The following PCDHGA9 variants were observed in gnomAD, a reference collection of about 807,000 sequenced individuals.
PCDHGA9 encodes protocadherin gamma-A9.
Under a neutral mutation model 62.5 loss-of-function variants are expected in PCDHGA9, and 37 were observed. The observed-to-expected ratio is 0.59, with a 90% CI of 0.46 to 0.78. The LOEUF (loss-of-function observed/expected upper bound fraction) is 0.78, where lower values mean the gene tolerates loss of function less well. PCDHGA9 is among the 30% of genes least tolerant of loss of function. The pLI is 0.00. For synonymous variants in PCDHGA9, 459 were observed against 484.6 expected (o/e 0.95, Z 0.69); for missense variants, 1,138 against 1,166.2 (o/e 0.98, Z 0.35).
chr5:141,409,459 T>A lies in PCDHGA9; in HGVS notation c.2424+4083T>A, dbSNP rs139792503. 3.7e-6 allele frequency: 6 copies of A among 1,613,832 alleles called. 1 individual carries two copies. The highest frequency in any genetic ancestry group is 3.3e-4 in the Middle Eastern group (2 of 6,084). ...ACCGAGAGCAGACACCAGAATACAATGTCACCATCGTAGCCACTGACAGGG... is the reference window on the plus strand; with the variant it reads ...ACCGAGAGCAGACACCAGAATACAAAGTCACCATCGTAGCCACTGACAGGG... On this transcript the variant is annotated intron_variant, in intron 1 of 3. Transcript: ENST00000573521.
At chr5:141,469,511 G>T (rs2099203340) in intron 1 of PCDHGA9, among the ~76,000 whole-genome samples, 2 of 152,038 alleles carry the variant, frequency 1.3e-5, no homozygotes, top group South Asian at 2.1e-4. Flanking sequence ...GGAGGTGGAG[G>T]TTGCAGTGAG....
chr5:141,506,444 CAAAAAA>C (rs1219684339), intron 3 of PCDHGA9, among the ~76,000 whole-genome samples: 1 of 95,026 alleles, frequency 1.1e-5, no homozygotes, highest in African/African-American at 4.0e-5. Flanking sequence ...CGCTCTGTCT[CAAAAAA>C]AAAAAAAAAA....
chr5:141,465,048 A>AT (rs905091014), intron 1 of PCDHGA9, among the ~76,000 whole-genome samples: 18 of 151,226 alleles, frequency 1.2e-4, no homozygotes, highest in African/African-American at 4.4e-4. Context: ...GACCCTATAT[A>AT]TTTTTTTGAA....
intron 1 of PCDHGA9, chr5:141,424,442 T>C (rs2096821583): frequency 6.6e-6 from 1 of 152,244 alleles, no homozygotes; most frequent in South Asian, 2.1e-4. Context: ...AATTGAATTA[T>C]TGAACTGGTA....
At chr5:141,497,209 TG>T (rs11343387) in intron 2 of PCDHGA9, among the ~76,000 whole-genome samples, 90,704 of 151,262 alleles carry the variant, frequency 0.6, 29,397 homozygotes, top group African/African-American at 0.86. Context: ...GTGAGTGTAA[TG>T]GGGGGGGGAA....
At position 141,403,202 on chromosome 5, in the gene PCDHGA9, T is replaced by A; in HGVS notation, c.250T>A (p.Leu84Met). 4 of 1,613,984 alleles carry A rather than the reference T, an allele frequency of 2.5e-6. No homozygotes were observed. Among genetic ancestry groups the A allele is most frequent in the Non-Finnish European group, 3.4e-6 (4 of 1,179,922 alleles). The part of the protein sequence containing the change: ...LFSLNPRSGT[L>M]VTAGRIDREE... ...CTCTCTGAACCCGCGCAGCGGCACC[T>A]TGGTCACCGCGGGTAGGATAGACCG... The change falls in exon 1 of 4, where the codon TTG (leucine) becomes ATG (methionine). Residue 84 changes from leucine (L) to methionine (M), a missense_variant. By Grantham distance (15) the Leu-to-Met change is conservative. Coordinates refer to ENST00000573521, the MANE Select transcript of PCDHGA9 (RefSeq NM_018921.3).
rs765818637 is a variant in PCDHGA9 at position 141,409,918 on chromosome 5, C to T, written c.2424+4542C>T. ...ACCCAGCTCTGGGTCCTGACGGCTC[C>T]GCGTTCTTCGATATGGTACCTCGCT... On this transcript the variant is annotated intron_variant, in intron 1 of 3. Coordinates refer to ENST00000573521, the MANE Select transcript of PCDHGA9 (RefSeq NM_018921.3). 1.9e-6 allele frequency: 3 copies of T among 1,613,222 alleles called. No individual in the cohort carries two copies. In the African/African-American group the frequency reaches 4.0e-5, roughly 22 times the overall value.
intron 1 of PCDHGA9, chr5:141,414,081 T>G: frequency 6.2e-7 from 1 of 1,601,774 alleles, no homozygotes; most frequent in Non-Finnish European, 8.5e-7. Context: ...ACAAATATAC[T>G]GGAGAAATAA....
intron 1 of PCDHGA9, chr5:141,410,284 G>A (rs2095374455): frequency 1.2e-6 from 2 of 1,613,990 alleles, no homozygotes; most frequent in Non-Finnish European, 1.7e-6. Flanking sequence ...ACCTGGTGGT[G>A]GCCTTGGCCT....
chr5:141,419,561 G>T, intron 1 of PCDHGA9: 1 of 1,611,846 alleles, frequency 6.2e-7, no homozygotes. Flanking sequence ...CCCTGCGCTG[G>T]GTCCCGACGG....
At chr5:141,408,851 G>C in intron 1 of PCDHGA9, 1 of 1,613,574 alleles carries the variant, frequency 6.2e-7, no homozygotes, top group Non-Finnish European at 8.5e-7. Flanking sequence ...TGCCTTGGAC[G>C]GAGGGGACCC....
intron 2 of PCDHGA9, among the ~76,000 whole-genome samples, chr5:141,495,645 C>T (rs2099762719): frequency 6.6e-6 from 1 of 152,208 alleles, no homozygotes; most frequent in South Asian, 2.1e-4. Context: ...CATTTGTCTA[C>T]TTGCATTGAT....
chr5:141,422,360 G>C (rs766368774), intron 1 of PCDHGA9: 1 of 1,559,254 alleles, frequency 6.4e-7, no homozygotes, highest in African/African-American at 1.4e-5. Context: ...CAAGATTCTG[G>C]AGAAAATGGT....
intron 1 of PCDHGA9, among the ~76,000 whole-genome samples, chr5:141,449,549 A>G (rs1431239786): frequency 6.8e-6 from 1 of 147,830 alleles, no homozygotes; most frequent in East Asian, 2.0e-4. Context: ...AGATCGCACC[A>G]CTGCACTCCA....
At position 141,502,665 on chromosome 5, in the gene PCDHGA9, A is replaced by G. The variant is rs192555506; in HGVS notation, c.2484-2728A>G. The stretch of plus-strand genomic sequence containing the variant: ...GAGATAGGCAGCAACCCTTCATGCA[A>G]TTTTAGTATTCCCTGATGATCCTTG... On this transcript the variant is annotated intron_variant, in intron 2 of 3. Transcript: ENST00000573521. 3.7e-3 allele frequency among the ~76,000 whole-genome samples: 568 copies of G among 152,330 alleles called. 1 individual carries two copies. Among genetic ancestry groups the G allele is most frequent in the African/African-American group, 0.013 (544 of 41,584 alleles).
intron 1 of PCDHGA9, among the ~76,000 whole-genome samples, chr5:141,479,998 G>A (rs2099511091): frequency 6.6e-6 from 1 of 152,272 alleles, no homozygotes; most frequent in South Asian, 2.1e-4. Flanking sequence ...AGGAGTCTGT[G>A]GCCAAGTTAC....
chr5:141,495,943 CTGT>C (rs1324780860), intron 2 of PCDHGA9, among the ~76,000 whole-genome samples: 1 of 152,010 alleles, frequency 6.6e-6, no homozygotes, highest in Non-Finnish European at 1.5e-5. Flanking sequence ...GTCTCTGTGC[CTGT>C]TGTCTTTTTC....
At chr5:141,427,818 G>A (rs1356936077) in intron 1 of PCDHGA9, 3 of 1,530,644 alleles carry the variant, frequency 2.0e-6, no homozygotes, top group Non-Finnish European at 2.7e-6. Context: ...GAGCGGGGTG[G>A]TGGTCGCGCA....
chr5:141,466,552 G>C lies in PCDHGA9; in HGVS notation c.2425-28255G>C, dbSNP rs913019489. On this transcript the variant is annotated intron_variant, in intron 1 of 3. Coordinates refer to ENST00000573521, the MANE Select transcript of PCDHGA9 (RefSeq NM_018921.3). ...ATTGATGTAGATGGTCTTTTGCTGTGGGCTTCATCTTCAACATTGTCTCAT... is the reference window on the plus strand; with the variant it reads ...ATTGATGTAGATGGTCTTTTGCTGTCGGCTTCATCTTCAACATTGTCTCAT... 2.6e-5 allele frequency among the ~76,000 whole-genome samples: 4 copies of C among 152,144 alleles called. No homozygotes were observed. The South Asian group carries it at 8.3e-4, about 32-fold the overall frequency.
Sources: allele counts gnomAD v4.1 joint callset (sites outside exome capture counted in the v4.1 genomes callset), GRCh38; gene constraint gnomAD v4.1.1; transcripts MANE v1.5; gene names NCBI Gene and HGNC (gene_info 2026-07-23, HGNC 2026-07-21).